The following SPIRE2 variants were observed in gnomAD, a reference collection of about 807,000 sequenced individuals.
SPIRE2 encodes the protein spire type actin nucleation factor 2, also known as protein spire homolog 2.
Under a neutral mutation model 80.7 loss-of-function variants are expected in SPIRE2, and 76 were observed. The ratio of observed to expected loss-of-function variants is 0.94; its 90% CI spans 0.78 to 1.14. SPIRE2 has a LOEUF of 1.14. Among genes scored for constraint, SPIRE2 ranks in the 50% most tolerant of loss-of-function variants. The pLI is 0.00. For missense variants in SPIRE2, 1,196 were observed against 1,015.3 expected (o/e 1.18, Z -2.42); for synonymous variants, 535 against 432.6 (o/e 1.24, Z -2.94).
At chr16:89,844,579 C>T (rs1030088929) in intron 1 of SPIRE2, among the ~76,000 whole-genome samples, 6 of 152,016 alleles carry the variant, frequency 3.9e-5, no homozygotes, top group Admixed American at 2.6e-4. Flanking sequence ...GCTGGGACTA[C>T]AGGTGCCCGC....
intron 1 of SPIRE2, among the ~76,000 whole-genome samples, chr16:89,830,908 CTTTTTT>C (rs146029809): frequency 1.7e-5 from 2 of 117,342 alleles, no homozygotes; most frequent in Non-Finnish European, 3.5e-5. Context: ...TGCTTAGAAT[CTTTTTT>C]TTTTTTTTTT....
intron 1 of SPIRE2, among the ~76,000 whole-genome samples, chr16:89,831,214 G>A (rs2041377933): frequency 6.6e-6 from 1 of 150,480 alleles, no homozygotes; most frequent in South Asian, 2.1e-4. Flanking sequence ...CAGCTGGGTG[G>A]TTTCTCAAAT....
At chr16:89,869,251 A>C (rs550317175) in intron 13 of SPIRE2, among the ~76,000 whole-genome samples, 1 of 151,362 alleles carries the variant, frequency 6.6e-6, no homozygotes, top group South Asian at 2.1e-4. Context: ...ATAGTATAAA[A>C]AGGGAAAGTT....
rs1567671342 is a variant in SPIRE2 at position 89,843,681 on chromosome 16, GTTTGTTTTTGTTTTTT to G, written c.245-1640_245-1625del. 7.8e-4 allele frequency among the ~76,000 whole-genome samples: 51 copies of G among 65,014 alleles called. 1 individual carries two copies. The highest frequency in any genetic ancestry group is 9.8e-4 in the African/African-American group (15 of 15,328). The allele number at this position is 65,014 out of a possible 152,430, so 42.7% of individuals were successfully genotyped here. The stretch of plus-strand genomic sequence containing the variant: ...CTTGCTGCCACGTTTTTTTTTTTTT[GTTTGTTTTTGTTTTTT>G]GTTTTTTTTTTTTTTTTTTTGAGAC... On this transcript the variant is annotated intron_variant, in intron 1 of 14. Transcript: ENST00000378247.
intron 3 of SPIRE2, among the ~76,000 whole-genome samples, chr16:89,853,986 C>A (rs989844357): frequency 2.6e-5 from 4 of 152,246 alleles, no homozygotes; most frequent in African/African-American, 9.6e-5. Context: ...AGCGTAAAGG[C>A]CTGGCTGGGA....
At position 89,854,610 on chromosome 16, in the gene SPIRE2, C is replaced by G. The variant is rs751578348; in HGVS notation, c.850C>G (p.Gln284Glu). The G allele has an allele frequency of 4.4e-6, 7 of 1,595,478 alleles. No homozygotes were observed. In the Admixed American group the frequency reaches 1.2e-4, roughly 27 times the overall value. Reference protein sequence around the residue: ...FQLTPFEMLMQDIRARNYKLR... With the variant: ...FQLTPFEMLMEDIRARNYKLR... Reference sequence around the variant, plus strand: ...GCTCACGCCCTTCGAGATGCTGATGCAGGACATCCGGGCCCGGAACTACAA... The same window carrying G: ...GCTCACGCCCTTCGAGATGCTGATGGAGGACATCCGGGCCCGGAACTACAA... The change falls in exon 5 of 15, where the codon CAG becomes GAG. Residue 284 changes from glutamine (Q) to glutamate (E), a missense_variant. By Grantham distance (29) the Gln-to-Glu change is conservative. Coordinates refer to ENST00000378247, the MANE Select transcript of SPIRE2 (RefSeq NM_032451.2).
At chr16:89,843,684 TGTTTTTG>T (rs1567671359) in intron 1 of SPIRE2, among the ~76,000 whole-genome samples, 57 of 22,874 alleles carry the variant, frequency 2.5e-3, no homozygotes, top group South Asian at 4.6e-3. Flanking sequence ...TTTTTTTGTT[TGTTTTTG>T]TTTTTTGTTT....
chr16:89,829,156 C>T (rs915972962), intron 1 of SPIRE2, among the ~76,000 whole-genome samples: 1 of 152,178 alleles, frequency 6.6e-6, no homozygotes, highest in African/African-American at 2.4e-5. Context: ...TGGGGCGACT[C>T]CTCCCCTGCC....
At chr16:89,845,832 C>T (rs1379055267) in intron 2 of SPIRE2, 2 of 543,228 alleles carry the variant, frequency 3.7e-6, no homozygotes, top group Non-Finnish European at 6.5e-6. Flanking sequence ...TCTGGAACGT[C>T]ATGTTTCCAC....
intron 1 of SPIRE2, among the ~76,000 whole-genome samples, chr16:89,841,749 G>A (rs1483355385): frequency 6.6e-6 from 1 of 151,912 alleles, no homozygotes; most frequent in African/African-American, 2.4e-5. Flanking sequence ...CCAGGCTGGA[G>A]TGCAGTGGCA....
In SPIRE2 at chr16:89,837,562, C is replaced by T. The variant is rs2041462071; in HGVS notation, c.245-7760C>T. 2.6e-5 allele frequency among the ~76,000 whole-genome samples: 4 copies of T among 152,218 alleles called. 1 individual carries two copies. The South Asian group carries it at 8.3e-4, about 32-fold the overall frequency. ...CCAGCGGTGGGGTCCCCTTAGGGCT[C>T]ACCTCAAGACTTGACACACGCCAGG... On this transcript the variant is annotated intron_variant, in intron 1 of 14. Transcript: ENST00000378247.
intron 12 of SPIRE2, among the ~76,000 whole-genome samples, chr16:89,865,384 A>G (rs2041780381): frequency 6.6e-6 from 1 of 152,224 alleles, no homozygotes; most frequent in Non-Finnish European, 1.5e-5. Context: ...TACACGCTAT[A>G]CAAATATTAC....
In SPIRE2 at chr16:89,834,280, G is replaced by C. The variant is rs111535650; in HGVS notation, c.244+5486G>C. 1.6e-3 allele frequency among the ~76,000 whole-genome samples: 222 copies of C among 141,536 alleles called. 1 individual carries two copies. The highest frequency in any genetic ancestry group is 5.1e-3 in the African/African-American group (204 of 39,880). The allele number at this position is 141,536 out of a possible 152,430, so 92.9% of individuals were successfully genotyped here. A position where few individuals can be genotyped will look rare whatever the true frequency, so the allele number is the denominator to read the frequency against. ...ATAGCCCGTGTGAATCTGTGAACCT[G>C]CCCGCGCTCGCGGTTGGCCGTCGTA... On this transcript the variant is annotated intron_variant, in intron 1 of 14. Coordinates refer to ENST00000378247, the MANE Select transcript of SPIRE2 (RefSeq NM_032451.2).
chr16:89,861,750 G>A (rs900582147), intron 10 of SPIRE2, among the ~76,000 whole-genome samples: 16 of 152,198 alleles, frequency 1.1e-4, no homozygotes, highest in African/African-American at 3.6e-4. Context: ...GGAGCCGTCT[G>A]AAGTGGCGTC....
intron 1 of SPIRE2, among the ~76,000 whole-genome samples, chr16:89,842,590 T>C (rs1395362579): frequency 6.6e-6 from 1 of 152,248 alleles, no homozygotes; most frequent in Non-Finnish European, 1.5e-5. Context: ...ATTAAAATTA[T>C]TCCAACCAGA....
In SPIRE2 at chr16:89,868,191, C is replaced by A; in HGVS notation, c.1781C>A (p.Ala594Asp). The A allele has an allele frequency of 6.2e-7, 1 of 1,614,082 alleles. No homozygotes were observed. The highest frequency in any genetic ancestry group is 8.5e-7 in the Non-Finnish European group (1 of 1,179,976). ...WPPSCLFCKR[A>D]VCTSCSIKMK... ...GCATTTCCTCTGTTCCCTTCCAGAG[C>A]CGTCTGCACTTCCTGTAGCATAAAG... The change falls in exon 13 of 15, where the codon GCC becomes GAC. Residue 594 changes from alanine to aspartate, a missense_variant and splice_region_variant. Physicochemically the swap from Ala to Asp is moderately radical, Grantham distance 126. Transcript: ENST00000378247.
chr16:89,828,522 G>A lies in SPIRE2; in HGVS notation c.-29G>A, dbSNP rs1372624722. The A allele has an allele frequency of 9.6e-7, 1 of 1,040,666 alleles. No homozygotes were observed. The highest frequency in any genetic ancestry group is 4.4e-5 in the South Asian group (1 of 22,576). 64.5% of individuals were successfully genotyped at this position (1,040,666 alleles called of 1,614,324 possible). ...GGCGCGGCTGCATGGACGCGGGTCC[G>A]GCGCGCGGGAGGCGATGACGGCCCC... On this transcript the variant is annotated 5_prime_UTR_variant, in exon 1 of 15. Coordinates refer to ENST00000378247, the MANE Select transcript of SPIRE2 (RefSeq NM_032451.2). The surrounding 1 kb of genome is among the most constrained non-coding windows in gnomAD (Gnocchi z 5.9).
At chr16:89,851,858 T>C (rs1292369025) in intron 3 of SPIRE2, among the ~76,000 whole-genome samples, 1 of 152,078 alleles carries the variant, frequency 6.6e-6, no homozygotes, top group Non-Finnish European at 1.5e-5. Context: ...TCCCTGACCC[T>C]TTATGGTGCT....
At position 89,847,252 on chromosome 16, in the gene SPIRE2, C is replaced by G. The variant is rs1053530043; in HGVS notation, c.288+1887C>G. The stretch of plus-strand genomic sequence containing the variant: ...CATGCGCTCAGGTTGCCTGGCAGCT[C>G]TGTGTGTGGAGATGCCATTGTGCTA... On this transcript the variant is annotated intron_variant, in intron 2 of 14. Coordinates refer to ENST00000378247, the MANE Select transcript of SPIRE2 (RefSeq NM_032451.2). 3.9e-5 allele frequency: 6 copies of G among 152,352 alleles called. No individual in the cohort carries two copies. In the East Asian group the frequency reaches 5.8e-4, roughly 15 times the overall value. The allele number at this position is 152,352 out of a possible 1,614,324, so 9.4% of individuals were successfully genotyped here.
Sources: gnomAD v4.1 joint callset for allele counts (sites outside exome capture counted in the v4.1 genomes callset) on GRCh38, gnomAD v4.1.1 for gene constraint, Gnocchi (gnomAD v3.1) non-coding constraint, MANE v1.5 for transcripts, NCBI Gene and HGNC (gene_info 2026-07-23, HGNC 2026-07-21) for gene names.